Variants in PRKCQ observed in about 807,000 individuals in gnomAD.
PRKCQ encodes the protein protein kinase C theta type.
A neutral mutation model predicts 91.2 loss-of-function variants in PRKCQ; 41 were observed. The observed-to-expected ratio is 0.45, with a 90% CI of 0.35 to 0.58. The LOEUF is 0.58. Ranked by LOEUF, PRKCQ falls within the 20% of genes least tolerant of loss-of-function variation. The pLI is 0.00. For missense variants in PRKCQ, 673 were observed against 896.5 expected (o/e 0.75, Z 3.18); for synonymous variants, 307 against 316.9 (o/e 0.97, Z 0.33).
intron 1 of PRKCQ, among the ~76,000 whole-genome samples, chr10:6,567,674 CATGT>C (rs1840881441): frequency 6.6e-6 from 1 of 152,202 alleles, no homozygotes; most frequent in African/African-American, 2.4e-5. Flanking sequence ...GAAACCCATA[CATGT>C]GAGTGCCCAT....
At chr10:6,440,074 TC>T (rs1264880991) in intron 16 of PRKCQ, among the ~76,000 whole-genome samples, 1 of 152,154 alleles carries the variant, frequency 6.6e-6, no homozygotes, top group Non-Finnish European at 1.5e-5. Context: ...ATAAGGGGCT[TC>T]CCCCTTCCCG....
At chr10:6,579,368 A>G (rs1841363631) in intron 1 of PRKCQ, among the ~76,000 whole-genome samples, 1 of 152,082 alleles carries the variant, frequency 6.6e-6, no homozygotes, top group Non-Finnish European at 1.5e-5. Flanking sequence ...CAGCCCGCAC[A>G]GGGGCAGGAC....
intron 1 of PRKCQ, among the ~76,000 whole-genome samples, chr10:6,544,569 G>A (rs935227709): frequency 2.6e-5 from 4 of 151,696 alleles, no homozygotes; most frequent in Admixed American, 6.6e-5. Flanking sequence ...CTGAATTTGT[G>A]TGATGACTGT....
chr10:6,438,609 C>CG (rs899476577), intron 16 of PRKCQ, among the ~76,000 whole-genome samples: 10 of 150,106 alleles, frequency 6.7e-5, no homozygotes, highest in South Asian at 2.1e-4. Context: ...TTTTTTTTTG[C>CG]GGGGGGGACA....
intron 1 of PRKCQ, among the ~76,000 whole-genome samples, chr10:6,563,468 C>T (rs1840710239): frequency 6.6e-6 from 1 of 152,128 alleles, no homozygotes; most frequent in South Asian, 2.1e-4. Context: ...TCCCTATAAG[C>T]CCCTCACCAT....
chr10:6,502,625 A>C (rs111910711), intron 4 of PRKCQ, among the ~76,000 whole-genome samples: 3 of 152,216 alleles, frequency 2.0e-5, no homozygotes, highest in Non-Finnish European at 2.9e-5. Context: ...TGGCATCGTT[A>C]CTTCTAGGAC....
chr10:6,543,303 T>C (rs566067071), intron 1 of PRKCQ, among the ~76,000 whole-genome samples: 1 of 152,214 alleles, frequency 6.6e-6, no homozygotes, highest in Non-Finnish European at 1.5e-5. Flanking sequence ...TACTCAGCCC[T>C]GGCGGAGCAG....
chr10:6,498,375 G>C (rs754640852), intron 5 of PRKCQ, 21 bp downstream of exon 5: 2 of 1,612,702 alleles, frequency 1.2e-6, no homozygotes, highest in Non-Finnish European at 1.7e-6. Flanking sequence ...AAGCTTGGAG[G>C]GAGATGCCAA....
rs776094307 is a variant in PRKCQ, at chr10:6,483,545, A to G, written c.1074T>C (p.His358=). ...SPLDEVDKMC[H]LPEPELNKER... is the part of the protein sequence containing the mutation. ...CTTTGTTCAGTTCAGGTTCTGGAAGATGGCACATTTTATCCACCTCATCCA... is the reference window on the plus strand; with the variant it reads ...CTTTGTTCAGTTCAGGTTCTGGAAGGTGGCACATTTTATCCACCTCATCCA... Residue 358 remains histidine (H), a synonymous_variant, in exon 11 of 18, where the codon CAT becomes CAC. Transcript: ENST00000263125. The G allele has an allele frequency of 6.2e-7, 1 of 1,614,120 alleles. No homozygotes were observed. The highest frequency in any genetic ancestry group is 1.1e-5 in the South Asian group (1 of 91,088).
chr10:6,444,321 C>T lies in PRKCQ; in HGVS notation c.1648-2240G>A, dbSNP rs570912380. 1.9e-4 allele frequency among the ~76,000 whole-genome samples: 29 copies of T among 152,280 alleles called. No homozygotes were observed. In the South Asian group the frequency reaches 5.2e-3, roughly 27 times the overall value. On this transcript the variant is annotated intron_variant, in intron 15 of 17. Coordinates refer to ENST00000263125, the MANE Select transcript of PRKCQ (RefSeq NM_006257.5). ...CTGACCTCAAGTGATCCACCCACCT[C>T]GGCCTCCAAAGTGCTGGGATTAACC...
At chr10:6,491,940 A>T in intron 7 of PRKCQ, 128 bp from the exon 8 acceptor site, 1 of 1,332,238 alleles carries the variant, frequency 7.5e-7, no homozygotes, top group Admixed American at 1.8e-5. Context: ...ATTTTAAACC[A>T]TCATTGTCAC....
the PRKCQ span, among the ~76,000 whole-genome samples, chr10:6,412,679 T>TGATA: frequency 6.6e-6 from 1 of 152,266 alleles, no homozygotes; most frequent in Non-Finnish European, 1.5e-5. Context: ...ATTGAGTCAC[T>TGATA]TGGTTATCCA....
chr10:6,434,559 G>A (rs374819170), intron 16 of PRKCQ, among the ~76,000 whole-genome samples: 1 of 152,200 alleles, frequency 6.6e-6, no homozygotes, highest in African/African-American at 2.4e-5. Flanking sequence ...GGCCAGGCTG[G>A]AAGCTCCGCC....
chr10:6,494,198 A>G (rs1001951973), intron 7 of PRKCQ, among the ~76,000 whole-genome samples: 3 of 152,136 alleles, frequency 2.0e-5, no homozygotes, highest in Non-Finnish European at 4.4e-5. Flanking sequence ...CCCCATCAGC[A>G]ACTGTCTTGC....
At chr10:6,488,379 A>T (rs1259403922) in intron 8 of PRKCQ, among the ~76,000 whole-genome samples, 1 of 148,310 alleles carries the variant, frequency 6.7e-6, no homozygotes, top group African/African-American at 2.5e-5. Flanking sequence ...CTATGTAAAT[A>T]ACTATTACTT....
Position 6,483,424 on chromosome 10 carries a change from C to G in PRKCQ, c.1179+16G>C. 1 of 1,614,088 alleles carries G rather than the reference C, an allele frequency of 6.2e-7. No individual in the cohort carries two copies. Among genetic ancestry groups the G allele is most frequent in the Non-Finnish European group, 8.5e-7 (1 of 1,179,972 alleles). ...CCTGGAGTTGGGCCATAGCATTCTC[C>G]CGTGCATTAGCTTACCTTGCCAAAA... On this transcript the variant is annotated intron_variant, in intron 11 of 17. Coordinates refer to ENST00000263125, the MANE Select transcript of PRKCQ (RefSeq NM_006257.5).
rs150606974 is a variant in PRKCQ, at chr10:6,434,261, C to T, written c.1837-3323G>A. The stretch of plus-strand genomic sequence containing the variant: ...TAGGCTGGAAGTAACTGCCCTGGGC[C>T]GTGTGTGCTGCAGGCTGGGTTTTCT... On this transcript the variant is annotated intron_variant, in intron 16 of 17. Coordinates refer to ENST00000263125, the MANE Select transcript of PRKCQ (RefSeq NM_006257.5). Among the ~76,000 whole-genome samples the T allele has an allele frequency of 3.1e-3, 476 of 152,142 alleles. 3 individuals are homozygous for T. The highest frequency in any genetic ancestry group is 0.011 in the African/African-American group (457 of 41,504).
chr10:6,471,804 G>A (rs891409049), intron 12 of PRKCQ, among the ~76,000 whole-genome samples: 12 of 151,986 alleles, frequency 7.9e-5, no homozygotes, highest in African/African-American at 2.7e-4. Context: ...AACAAAAGAG[G>A]GATAGTAGAT....
At chr10:6,551,587 G>A (rs1348030024) in intron 1 of PRKCQ, among the ~76,000 whole-genome samples, 4 of 151,856 alleles carry the variant, frequency 2.6e-5, no homozygotes, top group African/African-American at 7.2e-5. Context: ...TAGTAGAGAC[G>A]GGGTTTCACC....
Sources: gnomAD v4.1 joint callset for allele counts (sites outside exome capture counted in the v4.1 genomes callset) on GRCh38, gnomAD v4.1.1 for gene constraint, MANE v1.5 for transcripts, NCBI Gene and HGNC (gene_info 2026-07-23, HGNC 2026-07-21) for gene names.